SOX5: variants seen among roughly 807,000 people sequenced by gnomAD.
SOX5 encodes transcription factor SOX-5.
In SOX5, 9 loss-of-function variants were observed where a neutral mutation model predicts 92.0. The ratio of observed to expected loss-of-function variants is 0.10; its 90% CI spans 0.06 to 0.17. SOX5 has a LOEUF of 0.17. Among genes scored for constraint, SOX5 ranks in the 10% least tolerant of loss-of-function variants. The pLI, the probability that SOX5 is intolerant of heterozygous loss-of-function variation, is 1.00. For missense variants in SOX5, 642 were observed against 944.5 expected, an observed-to-expected ratio of 0.68 and a Z score of 4.20; for synonymous variants, 344 against 336.3, an observed-to-expected ratio of 1.02 and a Z score of -0.25.
At chr12:23,967,006 C>A (rs993681593) in intron 4 of SOX5, among the ~76,000 whole-genome samples, 2 of 152,140 alleles carry the variant, frequency 1.3e-5, no homozygotes, top group Admixed American at 1.3e-4. Flanking sequence ...TTTCTAGCAG[C>A]TGTCTGTTTA....
At chr12:23,944,168 C>T (rs1015250972) in intron 1 of SOX5, 1 of 152,068 alleles carries the variant, frequency 6.6e-6, no homozygotes, top group African/African-American at 2.4e-5. Flanking sequence ...AAACAGTTCT[C>T]ACCAGAATTC....
chr12:24,552,737 C>T lies in SOX5; in HGVS notation c.-251+9592G>A, dbSNP rs776322481. 5.9e-5 allele frequency among the ~76,000 whole-genome samples: 9 copies of T among 152,346 alleles called. No homozygotes were observed. In the East Asian group the frequency reaches 1.2e-3, roughly 20 times the overall value. On this transcript the variant is annotated intron_variant, in intron 1 of 4. Coordinates refer to the SOX5 transcript ENST00000446891. ...TTTATAGGCTGGGTACAGTGGCTCA[C>T]GCCTGTAATCCCAACACTTTGGGAG... is the stretch of plus-strand genomic sequence containing the variant.
intron 1 of SOX5, among the ~76,000 whole-genome samples, chr12:24,533,327 T>C (rs1318282101): frequency 6.6e-6 from 1 of 152,184 alleles, no homozygotes. Context: ...GGAAGATAAT[T>C]TGATGTTAAG....
intron 4 of SOX5, among the ~76,000 whole-genome samples, chr12:24,171,734 A>G (rs139751232): frequency 6.6e-6 from 1 of 152,118 alleles, no homozygotes; most frequent in Non-Finnish European, 1.5e-5. Context: ...GCAGTGGCTC[A>G]TGCCTGTAAT....
chr12:23,880,684 A>T (rs967260395), intron 2 of SOX5, among the ~76,000 whole-genome samples: 1 of 152,002 alleles, frequency 6.6e-6, no homozygotes, highest in South Asian at 2.1e-4. Context: ...ATAAGGCACA[A>T]CCCCCTTTCT....
In SOX5 at chr12:24,326,847, C is replaced by T. The variant is rs564451495; in HGVS notation, c.-174+41716G>A. Among the ~76,000 whole-genome samples the T allele has an allele frequency of 7.3e-5, 11 of 151,560 alleles. No homozygotes were observed. The East Asian group carries it at 9.7e-4, about 13-fold the overall frequency. On this transcript the variant is annotated intron_variant, in intron 2 of 4. Transcript: ENST00000446891. ...CCACTCATTCATACATACACACACA[C>T]GTGCAACCTGTCTTCCTTTCTCCAT...
chr12:23,855,060 GA>G (rs11301325), intron 2 of SOX5, among the ~76,000 whole-genome samples: 47,739 of 151,032 alleles, frequency 0.32, 8,653 homozygotes, highest in East Asian at 0.79. Context: ...AACAAATAAA[GA>G]AAAAAAATAG....
At chr12:24,175,850 G>T (rs1410245216) in intron 4 of SOX5, among the ~76,000 whole-genome samples, 2 of 152,066 alleles carry the variant, frequency 1.3e-5, no homozygotes, top group African/African-American at 4.8e-5. Context: ...GTTTTCACTA[G>T]AGAGGGCTTC....
At chr12:23,902,490 A>G (rs2097246050) in intron 1 of SOX5, among the ~76,000 whole-genome samples, 1 of 152,192 alleles carries the variant, frequency 6.6e-6, no homozygotes, top group African/African-American at 2.4e-5. Context: ...GTTCTTCTAC[A>G]AAGCCATCCC....
At chr12:23,706,103 C>T (rs770895648) in intron 6 of SOX5, among the ~76,000 whole-genome samples, 18 of 151,750 alleles carry the variant, frequency 1.2e-4, no homozygotes, top group African/African-American at 4.8e-5. Flanking sequence ...CAAAATGTAA[C>T]GGACCATTCC....
intron 2 of SOX5, among the ~76,000 whole-genome samples, chr12:24,300,150 G>A (rs1232612715): frequency 6.6e-6 from 1 of 152,144 alleles, no homozygotes; most frequent in Non-Finnish European, 1.5e-5. Context: ...ACAATGCTAC[G>A]TCTTTAATAG....
At chr12:24,498,276 C>G (rs1040113924) in intron 1 of SOX5, among the ~76,000 whole-genome samples, 8 of 151,918 alleles carry the variant, frequency 5.3e-5, no homozygotes, top group African/African-American at 1.9e-4. Flanking sequence ...CACCCTTTTA[C>G]TGGTGTGGAA....
At chr12:24,220,079 T>C (rs1354622515) in intron 3 of SOX5, among the ~76,000 whole-genome samples, 1 of 152,004 alleles carries the variant, frequency 6.6e-6, no homozygotes, top group African/African-American at 2.4e-5. Flanking sequence ...AGTAGATTAA[T>C]CAGACAAGAA....
intron 3 of SOX5, among the ~76,000 whole-genome samples, chr12:23,767,078 G>A (rs2094755957): frequency 2.0e-5 from 3 of 151,986 alleles, no homozygotes; most frequent in South Asian, 4.1e-4. Context: ...ATGGTTGTGA[G>A]TGCCTGTAGT....
rs138892031 is a variant in SOX5, at chr12:23,745,112, C to A, written c.569-4073G>T. Among the ~76,000 whole-genome samples, 1,045 of 152,196 alleles carry A rather than the reference C, an allele frequency of 6.9e-3. 9 individuals carry two copies. The highest frequency in any genetic ancestry group is 0.024 in the African/African-American group (993 of 41,532). ...GAGGTTCTAGGCATTAGGACTTCAGCATATGAATTAGGGTTGGTGGGTAGG... is the reference window on the plus strand; with the variant it reads ...GAGGTTCTAGGCATTAGGACTTCAGAATATGAATTAGGGTTGGTGGGTAGG... On this transcript the variant is annotated intron_variant, in intron 4 of 14. Transcript: ENST00000451604.
intron 1 of SOX5, among the ~76,000 whole-genome samples, chr12:24,379,472 A>G (rs981010790): frequency 2.6e-5 from 4 of 152,236 alleles, no homozygotes; most frequent in African/African-American, 9.6e-5. Context: ...TTTGTCCAGA[A>G]CAGGCACCTG....
At chr12:23,860,108 A>G (rs2096738115) in intron 2 of SOX5, among the ~76,000 whole-genome samples, 1 of 152,186 alleles carries the variant, frequency 6.6e-6, no homozygotes, top group Non-Finnish European at 1.5e-5. Flanking sequence ...GAACTTATGA[A>G]CACAGAGAAA....
chr12:23,988,260 G>T (rs1221504482), intron 4 of SOX5, among the ~76,000 whole-genome samples: 1 of 152,072 alleles, frequency 6.6e-6, no homozygotes, highest in Non-Finnish European at 1.5e-5. Flanking sequence ...TCAGACATTT[G>T]GGTCACCTGG....
At chr12:24,224,773 T>G in intron 3 of SOX5, among the ~76,000 whole-genome samples, 1 of 152,232 alleles carries the variant, frequency 6.6e-6, no homozygotes, top group Non-Finnish European at 1.5e-5. Flanking sequence ...TCATTATTTT[T>G]TTCACTATGT....
Sources: allele counts gnomAD v4.1 joint callset (sites outside exome capture counted in the v4.1 genomes callset), GRCh38; gene constraint gnomAD v4.1.1; transcripts MANE v1.5; gene names NCBI Gene and HGNC (gene_info 2026-07-23, HGNC 2026-07-21).